Variants in CSRNP1 observed in about 807,000 individuals in gnomAD.
CSRNP1 encodes cysteine/serine-rich nuclear protein 1.
In CSRNP1, 8 loss-of-function variants were observed where a neutral mutation model predicts 25.0. The ratio of observed to expected loss-of-function variants is 0.32; its 90% CI spans 0.19 to 0.58. CSRNP1 has a LOEUF of 0.58. Ranked by LOEUF, CSRNP1 falls within the 20% of genes least tolerant of loss-of-function variation. CSRNP1 has a pLI of 0.88. For missense variants in CSRNP1, 691 were observed against 773.1 expected (o/e 0.89, Z 1.26); for synonymous variants, 305 against 303.1 (o/e 1.01, Z -0.06).
rs1038433045 is a variant in CSRNP1 at position 39,145,359 on chromosome 3, C to T, written c.206-103G>A. On this transcript the variant is annotated intron_variant, in intron 2 of 4. Transcript: ENST00000273153. ...TGCCCTCCCGCCTCCCACCTTTTCC[C>T]TCCTCCCTCTCCACCCATTTTGAAA... 6.8e-6 allele frequency: 9 copies of T among 1,316,650 alleles called. No individual in the cohort carries two copies. The Admixed American group carries it at 8.9e-5, about 13-fold the overall frequency. The allele number at this position is 1,316,650 out of a possible 1,614,324, so 81.6% of individuals were successfully genotyped here. A position where few individuals can be genotyped will look rare whatever the true frequency, so the allele number is the denominator to read the frequency against.
chr3:39,143,449 T>A lies in CSRNP1; in HGVS notation c.1376A>T (p.Asn459Ile). The change falls in exon 5 of 5, where the codon AAC becomes ATC. Residue 459 changes from asparagine to isoleucine, a missense_variant. Transcript: ENST00000273153. ...ATTTAGGAAGCAGCTGGCATCCAGG[T>A]TGGCATTCTCATCCAGGACGCCTGA... is the stretch of plus-strand genomic sequence containing the variant. ...FTSGVLDENA[N>I]LDASCFLNGG... The A allele has an allele frequency of 1.2e-6, 2 of 1,614,128 alleles. No individual in the cohort carries two copies. The highest frequency in any genetic ancestry group is 1.7e-6 in the Non-Finnish European group (2 of 1,179,974).
In CSRNP1 at chr3:39,148,090, AC is replaced by A. The variant is rs778327742; in HGVS notation, c.-40-1369del. On this transcript the variant is annotated intron_variant, in intron 1 of 4. Coordinates refer to ENST00000273153, the MANE Select transcript of CSRNP1 (RefSeq NM_033027.4). The stretch of plus-strand genomic sequence containing the variant: ...GTAGAGTTTGCTGTCAACCTTACTA[AC>A]TGGATAATGTTTACCCCAGGGACAG... Among the ~76,000 whole-genome samples the A allele has an allele frequency of 5.9e-5, 9 of 152,190 alleles. 1 individual carries two copies. The East Asian group carries it at 1.5e-3, about 26-fold the overall frequency.
At chr3:39,147,835 T>C (rs1051732701) in intron 1 of CSRNP1, among the ~76,000 whole-genome samples, 2 of 152,000 alleles carry the variant, frequency 1.3e-5, no homozygotes, top group Non-Finnish European at 2.9e-5. Flanking sequence ...CTACCTTGTG[T>C]CTGTTGCTCC....
intron 3 of CSRNP1, 111 bp from the exon 4 acceptor site, chr3:39,144,562 T>A: frequency 1.9e-6 from 2 of 1,049,840 alleles, no homozygotes; most frequent in Non-Finnish European, 2.7e-6. Context: ...TACTCGTGCT[T>A]AATCTGCGAT....
At position 39,143,694 on chromosome 3, in the gene CSRNP1, C is replaced by A. The variant is rs2039454813; in HGVS notation, c.1131G>T (p.Leu377=). The A allele has an allele frequency of 6.2e-7, 1 of 1,614,106 alleles. No individual in the cohort carries two copies. The highest frequency in any genetic ancestry group is 8.5e-7 in the Non-Finnish European group (1 of 1,180,044). Residue 377 remains leucine, a synonymous_variant, in exon 5 of 5, where the codon CTG becomes CTT. Transcript: ENST00000273153. ...EAPDCPTHPG[L]PGPGFQPGVD... ...CGCCAGGCTGGAAGCCAGGGCCAGG[C>A]AGGCCTGGGTGGGTGGGGCAGTCAG...
At chr3:39,153,413 G>A (rs749474632) in intron 1 of CSRNP1, 25 bp downstream of exon 1, 24 of 284,142 alleles carry the variant, frequency 8.4e-5, no homozygotes, top group Middle Eastern at 9.6e-4. Context: ...CCGTCCTGCC[G>A]GGCCCGAGGC....
In CSRNP1 at chr3:39,142,882, A is replaced by G. The variant is rs2125884106; in HGVS notation, c.*173T>C. On this transcript the variant is annotated 3_prime_UTR_variant, in exon 5 of 5. Transcript: ENST00000273153. ...CCCCCCAGTCCTCTCTTCAGCACAG[A>G]AAAGTTAAAACAAATAAATAAATCC... The G allele has an allele frequency of 3.8e-6, 3 of 782,312 alleles. No individual in the cohort carries two copies. The highest frequency in any genetic ancestry group is 5.8e-6 in the Non-Finnish European group (3 of 518,572). The allele number at this position is 782,312 out of a possible 1,614,324, so 48.5% of individuals were successfully genotyped here.
Position 39,146,674 on chromosome 3 carries a change from C to G in CSRNP1, c.9G>C (p.Gly3=). 6.4e-7 allele frequency: 1 copy of G among 1,562,090 alleles called. No homozygotes were observed. The change falls in exon 2 of 5, where the codon GGG becomes GGC. Residue 3 remains glycine, a synonymous_variant. Transcript: ENST00000273153. ...GCTGGTCAAATTTCCTCTTCAACAG[C>G]CCAGTCATGGTGGTGCCGGACGTGC... MT[G]LLKRKFDQLD...
intron 2 of CSRNP1, 125 bp from the exon 3 acceptor site, chr3:39,145,381 G>T: frequency 8.3e-7 from 1 of 1,204,536 alleles, no homozygotes; most frequent in Non-Finnish European, 1.1e-6. Context: ...CACCCATTTT[G>T]AAAAAAGAAA....
chr3:39,147,818 A>T (rs1045343393), intron 1 of CSRNP1, among the ~76,000 whole-genome samples: 1 of 152,138 alleles, frequency 6.6e-6, no homozygotes, highest in Non-Finnish European at 1.5e-5. Flanking sequence ...CCAAAGGCTG[A>T]GTACAGCTAC....
At chr3:39,149,252 G>GA (rs2039554186) in intron 1 of CSRNP1, 1 of 152,158 alleles carries the variant, frequency 6.6e-6, no homozygotes, top group Admixed American at 6.5e-5. Context: ...ACTACTCTGT[G>GA]ATGATATAAG....
chr3:39,146,717 G>C lies in CSRNP1; in HGVS notation c.-35C>G. ...GGACGTGCTCTGGGGTCTGGGGACAGACAGCCTGGAATAGGAATGAGAAGG... is the reference window on the plus strand; with the variant it reads ...GGACGTGCTCTGGGGTCTGGGGACACACAGCCTGGAATAGGAATGAGAAGG... On this transcript the variant is annotated 5_prime_UTR_variant, in exon 2 of 5. Transcript: ENST00000273153. 6.5e-7 allele frequency: 1 copy of C among 1,550,234 alleles called. No individual in the cohort carries two copies. The highest frequency in any genetic ancestry group is 8.7e-7 in the Non-Finnish European group (1 of 1,147,060).
At chr3:39,146,759 G>A (rs1385308265) in intron 1 of CSRNP1, 37 bp from the exon 2 acceptor site, 4 of 1,519,844 alleles carry the variant, frequency 2.6e-6, no homozygotes, top group Non-Finnish European at 3.5e-6. Flanking sequence ...GTGGCAGGCA[G>A]GCAGCAGCAG....
At position 39,141,931 on chromosome 3, in the gene CSRNP1, C is replaced by G. The variant is rs1283102089; in HGVS notation, c.*1124G>C. On this transcript the variant is annotated 3_prime_UTR_variant, in exon 5 of 5. Coordinates refer to ENST00000273153, the MANE Select transcript of CSRNP1 (RefSeq NM_033027.4). Reference sequence around the variant, plus strand: ...CCACAAGCACACAGGCTGGCAAGGCCTCCTGGGCAAGGGGCAGGCCCAGAG... The same window carrying G: ...CCACAAGCACACAGGCTGGCAAGGCGTCCTGGGCAAGGGGCAGGCCCAGAG... 1 of 152,702 alleles carries G rather than the reference C, an allele frequency of 6.5e-6. No individual in the cohort carries two copies. Among genetic ancestry groups the G allele is most frequent in the Non-Finnish European group, 1.5e-5 (1 of 68,066 alleles). The allele number at this position is 152,702 out of a possible 1,614,324, so 9.5% of individuals were successfully genotyped here.
chr3:39,144,321 A>C lies in CSRNP1; in HGVS notation c.596T>G (p.Leu199Arg). Reference protein sequence around the residue: ...AGGRLEEVSFLQPYPARRRRA... With the variant: ...AGGRLEEVSFRQPYPARRRRA... ...ACGTCGCCGGGCTGGGTAGGGCTGTAGGAAGCTCACTTCTTCCAACCGGCC... is the reference window on the plus strand; with the variant it reads ...ACGTCGCCGGGCTGGGTAGGGCTGTCGGAAGCTCACTTCTTCCAACCGGCC... The change falls in exon 4 of 5, where the codon CTA becomes CGA. Residue 199 changes from leucine to arginine, a missense_variant. By Grantham distance (102) the Leu-to-Arg change is moderately radical. Transcript: ENST00000273153. The C allele has an allele frequency of 6.2e-7, 1 of 1,614,172 alleles. No homozygotes were observed. The highest frequency in any genetic ancestry group is 2.2e-5 in the East Asian group (1 of 44,878).
In CSRNP1 at chr3:39,142,070, A is replaced by C; in HGVS notation, c.*985T>G. On this transcript the variant is annotated 3_prime_UTR_variant, in exon 5 of 5. Coordinates refer to ENST00000273153, the MANE Select transcript of CSRNP1 (RefSeq NM_033027.4). ...TAAACATTAGCAAACAAAGGGTATAAAAACCCTCAGGAGCCACCCCTCGCC... is the reference window on the plus strand; with the variant it reads ...TAAACATTAGCAAACAAAGGGTATACAAACCCTCAGGAGCCACCCCTCGCC... 6.6e-6 allele frequency: 1 copy of C among 152,664 alleles called. No individual in the cohort carries two copies. The highest frequency in any genetic ancestry group is 6.5e-5 in the Admixed American group (1 of 15,294). 9.5% of individuals were successfully genotyped at this position (152,664 alleles called of 1,614,324 possible). A position where few individuals can be genotyped will look rare whatever the true frequency, so the allele number is the denominator to read the frequency against.
At position 39,145,075 on chromosome 3, in the gene CSRNP1, CG is replaced by C. The variant is rs776893085; in HGVS notation, c.386del (p.Ala129GlyfsTer16). 1 of 1,614,266 alleles carries C rather than the reference CG, an allele frequency of 6.2e-7. No homozygotes were observed. Among genetic ancestry groups the C allele is most frequent in the Non-Finnish European group, 8.5e-7 (1 of 1,180,046 alleles). ...ACRRFSLAEF[A>X]QEQARARHEK... ...CGTGCCGTGCACGGGCTTGCTCCTG[CG>C]CAAACTCAGCCAAAGAGAAGCGACG... On this transcript the variant is annotated frameshift_variant, in exon 3 of 5. Coordinates refer to ENST00000273153, the MANE Select transcript of CSRNP1 (RefSeq NM_033027.4). LOFTEE classifies it high-confidence loss of function.
rs776047978 is a variant in CSRNP1, at chr3:39,146,655, C to G, written c.28G>C (p.Asp10His). 13 of 1,568,150 alleles carry G rather than the reference C, an allele frequency of 8.3e-6. No homozygotes were observed. The Admixed American group carries it at 2.4e-4, about 29-fold the overall frequency. MTGLLKRKF[D>H]QLDEDNSSVS... ...GAGGAGTTGTCCTCATCCAGCTGGT[C>G]AAATTTCCTCTTCAACAGCCCAGTC... Residue 10 changes from aspartate to histidine, a missense_variant, in exon 2 of 5, where the codon GAC becomes CAC. Asp to His is a moderately conservative substitution (Grantham distance 81). Coordinates refer to ENST00000273153, the MANE Select transcript of CSRNP1 (RefSeq NM_033027.4).
At chr3:39,145,655 G>A (rs2039498770) in intron 2 of CSRNP1, among the ~76,000 whole-genome samples, 1 of 152,194 alleles carries the variant, frequency 6.6e-6, no homozygotes, top group Non-Finnish European at 1.5e-5. Context: ...AGTAAGCTAT[G>A]TACTGGTATT....
Sources: allele counts gnomAD v4.1 joint callset (sites outside exome capture counted in the v4.1 genomes callset), GRCh38; gene constraint gnomAD v4.1.1; transcripts MANE v1.5; gene names NCBI Gene and HGNC (gene_info 2026-07-23, HGNC 2026-07-21).